The following STEAP3 variants were observed in gnomAD, a reference collection of about 807,000 sequenced individuals.
The protein encoded by STEAP3 is metalloreductase STEAP3.
STEAP3 carries 35 observed loss-of-function variants against 34.9 expected under a neutral mutation model. The ratio of observed to expected loss-of-function variants is 1.00; its 90% confidence interval spans 0.76 to 1.33. STEAP3 has a LOEUF of 1.33. STEAP3 is among the 40% of genes most tolerant of loss of function. The pLI, the probability that STEAP3 is intolerant of heterozygous loss-of-function variation, is 0.00. For synonymous variants in STEAP3, 281 were observed against 301.6 expected (o/e 0.93, Z 0.71); for missense variants, 652 against 667.6 (o/e 0.98, Z 0.26).
intron 2 of STEAP3, among the ~76,000 whole-genome samples, chr2:119,239,104 G>A (rs867781189): frequency 4.6e-5 from 7 of 152,064 alleles, no homozygotes; most frequent in African/African-American, 1.7e-4. Context: ...AGGGAAAATC[G>A]GTATTTTCAT....
At chr2:119,243,617 T>C (rs1677316753) in intron 2 of STEAP3, among the ~76,000 whole-genome samples, 1 of 152,198 alleles carries the variant, frequency 6.6e-6, no homozygotes, top group Admixed American at 6.5e-5. Context: ...TAGGCATCCA[T>C]TAATAGGAAC....
rs116130957 is a variant in STEAP3, at chr2:119,241,141, C to T, written c.23-4348C>T. On this transcript the variant is annotated intron_variant, in intron 2 of 5. Coordinates refer to ENST00000393110, the MANE Select transcript of STEAP3 (RefSeq NM_182915.3). ...CAACCAGTCAGAAATGAGCTCTGAG[C>T]TTTTACACATATTAACTCATTTCAT... 4.1e-3 allele frequency among the ~76,000 whole-genome samples: 620 copies of T among 151,918 alleles called. 3 individuals carry two copies. Among genetic ancestry groups the T allele is most frequent in the African/African-American group, 0.014 (589 of 41,414 alleles).
intron 5 of STEAP3, among the ~76,000 whole-genome samples, chr2:119,262,727 A>G (rs1227629089): frequency 6.6e-6 from 1 of 152,208 alleles, no homozygotes; most frequent in Non-Finnish European, 1.5e-5. Flanking sequence ...GAAATCATCC[A>G]GCAGCCTCCA....
intron 1 of STEAP3, among the ~76,000 whole-genome samples, chr2:119,228,537 G>A (rs1163798648): frequency 6.6e-6 from 1 of 152,224 alleles, no homozygotes; most frequent in African/African-American, 2.4e-5. Context: ...CCTTGGAGAT[G>A]TCTCTGGACT....
chr2:119,240,596 G>A lies in STEAP3; in HGVS notation c.23-4893G>A, dbSNP rs187663878. 2.2e-4 allele frequency among the ~76,000 whole-genome samples: 34 copies of A among 152,334 alleles called. No individual in the cohort carries two copies. In the East Asian group the frequency reaches 6.4e-3, roughly 29 times the overall value. ...CAGGAGCTGGCAGGCAGGCCCATGGGCCAGGCGTGGCTCCCAGCCATAAAC... is the reference window on the plus strand; with the variant it reads ...CAGGAGCTGGCAGGCAGGCCCATGGACCAGGCGTGGCTCCCAGCCATAAAC... On this transcript the variant is annotated intron_variant, in intron 2 of 5. Coordinates refer to ENST00000393110, the MANE Select transcript of STEAP3 (RefSeq NM_182915.3).
At chr2:119,224,313 C>T (rs1341750112) in intron 1 of STEAP3, among the ~76,000 whole-genome samples, 4 of 152,180 alleles carry the variant, frequency 2.6e-5, no homozygotes, top group Non-Finnish European at 5.9e-5. Flanking sequence ...GGCTCTTCCT[C>T]GCCAGACCTC....
At chr2:119,258,372 C>T (rs538800541) in intron 5 of STEAP3, among the ~76,000 whole-genome samples, 3 of 152,170 alleles carry the variant, frequency 2.0e-5, no homozygotes, top group East Asian at 3.9e-4. Context: ...TGACTAGCAA[C>T]GTTTAACCTC....
chr2:119,241,921 G>A (rs558833601), intron 2 of STEAP3, among the ~76,000 whole-genome samples: 2 of 152,368 alleles, frequency 1.3e-5, no homozygotes, highest in East Asian at 3.9e-4. Flanking sequence ...GGGATCCTCA[G>A]ATGCATGTCT....
intron 1 of STEAP3, among the ~76,000 whole-genome samples, chr2:119,229,388 TCCCTC>T (rs1679145998): frequency 6.6e-6 from 1 of 151,902 alleles, no homozygotes; most frequent in African/African-American, 2.4e-5. Context: ...GGCACTTAGG[TCCCTC>T]CCTCAGCTGA....
intron 4 of STEAP3, among the ~76,000 whole-genome samples, chr2:119,249,819 A>T (rs1350373774): frequency 6.6e-6 from 1 of 152,220 alleles, no homozygotes; most frequent in African/African-American, 2.4e-5. Context: ...GAATTTCCTA[A>T]GACAAAGGAA....
intron 3 of STEAP3, 60 bp downstream of exon 3, chr2:119,246,048 G>A (rs541378991): frequency 4.0e-5 from 62 of 1,547,746 alleles, no homozygotes; most frequent in African/African-American, 2.2e-4. Context: ...AATTTTCATC[G>A]AGTGCTGCCA....
chr2:119,240,058 C>T (rs929960130), intron 2 of STEAP3, among the ~76,000 whole-genome samples: 3 of 151,932 alleles, frequency 2.0e-5, no homozygotes, highest in African/African-American at 7.2e-5. Flanking sequence ...AGTAGCTGGA[C>T]GTGATAGCAT....
In STEAP3 at chr2:119,245,225, T is replaced by C. The variant is rs549710075; in HGVS notation, c.23-264T>C. On this transcript the variant is annotated intron_variant, in intron 2 of 5. Transcript: ENST00000393110. ...TCCCAGCACTCTCACTCTGCCAGTTTTTCCCGAGGAAATCATTCAGCAGGA... is the reference window on the plus strand; with the variant it reads ...TCCCAGCACTCTCACTCTGCCAGTTCTTCCCGAGGAAATCATTCAGCAGGA... 2.6e-5 allele frequency: 12 copies of C among 468,412 alleles called. No homozygotes were observed. In the East Asian group the frequency reaches 3.9e-4, roughly 15 times the overall value. 29.0% of individuals were successfully genotyped at this position (468,412 alleles called of 1,614,324 possible).
At chr2:119,246,769 G>A (rs887304228) in intron 3 of STEAP3, 6 of 152,438 alleles carry the variant, frequency 3.9e-5, no homozygotes, top group African/African-American at 1.4e-4. Context: ...GGCCTGGAGG[G>A]AACGGAGCAA....
At chr2:119,227,512 G>A (rs1221314873) in intron 1 of STEAP3, among the ~76,000 whole-genome samples, 1 of 152,190 alleles carries the variant, frequency 6.6e-6, no homozygotes, top group Non-Finnish European at 1.5e-5. Context: ...GGCAACAAGT[G>A]AGCACTGATT....
chr2:119,247,409 T>C (rs1677463403), intron 3 of STEAP3, among the ~76,000 whole-genome samples: 1 of 152,242 alleles, frequency 6.6e-6, no homozygotes, highest in Non-Finnish European at 1.5e-5. Flanking sequence ...GTCCACGAGC[T>C]GGGCAAGATG....
At chr2:119,226,145 G>T (rs899564207) in intron 1 of STEAP3, among the ~76,000 whole-genome samples, 1 of 152,210 alleles carries the variant, frequency 6.6e-6, no homozygotes, top group Non-Finnish European at 1.5e-5. Flanking sequence ...CCAGCCTGGC[G>T]GTCTACGCTG....
chr2:119,246,842 C>T (rs1403878817), intron 3 of STEAP3: 1 of 152,176 alleles, frequency 6.6e-6, no homozygotes, highest in Admixed American at 6.5e-5. Context: ...TGCTGTCAGG[C>T]TCAGGGAGCA....
chr2:119,259,206 G>A (rs73948631), intron 5 of STEAP3, among the ~76,000 whole-genome samples: 3,918 of 152,232 alleles, frequency 0.026, 184 homozygotes, highest in African/African-American at 0.089. Context: ...CCTTTGTGCC[G>A]TAGTAATTGA....
Sources: allele counts gnomAD v4.1 joint callset (sites outside exome capture counted in the v4.1 genomes callset), GRCh38; gene constraint gnomAD v4.1.1; transcripts MANE v1.5; gene names NCBI Gene and HGNC (gene_info 2026-07-23, HGNC 2026-07-21).